ABCC1: variants seen among roughly 807,000 people sequenced by gnomAD.
ABCC1 encodes the protein multidrug resistance-associated protein 1.
A neutral mutation model predicts 172.9 loss-of-function variants in ABCC1; 83 were observed. The observed-to-expected ratio is 0.48, with a 90% CI of 0.40 to 0.58. The LOEUF (loss-of-function observed/expected upper bound fraction) is 0.58. Among genes scored for constraint, ABCC1 ranks in the 20% least tolerant of loss-of-function variants. The probability of loss-of-function intolerance (pLI) is 0.00; values close to 1 mark genes in which losing one functional copy is unlikely to be tolerated. For missense variants in ABCC1, 1,817 were observed against 2,002.7 expected (o/e 0.91, Z 1.77); for synonymous variants, 937 against 825.2 (o/e 1.14, Z -2.32).
intron 5 of ABCC1, among the ~76,000 whole-genome samples, chr16:16,026,055 T>C (rs974461792): frequency 1.3e-5 from 2 of 152,174 alleles, no homozygotes; most frequent in Non-Finnish European, 2.9e-5. Flanking sequence ...TGATTTTTTT[T>C]CCTCCTTTTT....
At chr16:16,084,905 AC>A (rs1242035938) in intron 17 of ABCC1, among the ~76,000 whole-genome samples, 7 of 152,218 alleles carry the variant, frequency 4.6e-5, no homozygotes, top group Middle Eastern at 3.4e-3. Flanking sequence ...ACAGATGTTA[AC>A]CACCTCGCCC....
chr16:16,126,701 A>AGG (rs760975587), intron 26 of ABCC1, among the ~76,000 whole-genome samples: 9 of 152,288 alleles, frequency 5.9e-5, no homozygotes, highest in Non-Finnish European at 1.3e-4. Flanking sequence ...GTATTTGTAT[A>AGG]GGGGACTCCT....
chr16:15,991,359 G>T (rs45531836), intron 1 of ABCC1, among the ~76,000 whole-genome samples: 1 of 151,814 alleles, frequency 6.6e-6, no homozygotes. Flanking sequence ...TTAATTTTCC[G>T]TTGGCAAAAC....
chr16:16,018,051 C>G (rs750411896), intron 5 of ABCC1, among the ~76,000 whole-genome samples: 1 of 152,062 alleles, frequency 6.6e-6, no homozygotes, highest in Non-Finnish European at 1.5e-5. Flanking sequence ...GGCAGGGAGG[C>G]CTTGGAGCAC....
At chr16:15,967,778 A>G (rs946527815) in intron 1 of ABCC1, among the ~76,000 whole-genome samples, 2 of 107,336 alleles carry the variant, frequency 1.9e-5, no homozygotes, top group African/African-American at 3.2e-5. Flanking sequence ...AAAAACAACA[A>G]AAAAAAAACT....
chr16:16,029,332 C>T (rs961291711), intron 5 of ABCC1, among the ~76,000 whole-genome samples: 2 of 152,150 alleles, frequency 1.3e-5, no homozygotes, highest in South Asian at 4.1e-4. Flanking sequence ...AAGCCATTCT[C>T]GTGCCTCAGC....
chr16:15,958,210 A>T (rs1432884749), intron 1 of ABCC1, among the ~76,000 whole-genome samples: 2 of 152,160 alleles, frequency 1.3e-5, no homozygotes, highest in African/African-American at 4.8e-5. Context: ...GGTTCCAGTG[A>T]TTCTGCTGCC....
intron 14 of ABCC1, among the ~76,000 whole-genome samples, chr16:16,074,774 T>A (rs139714012): frequency 8.1e-4 from 124 of 152,290 alleles, no homozygotes; most frequent in African/African-American, 2.8e-3. Flanking sequence ...AGGGAGAAAG[T>A]TAATCTAGGT....
chr16:16,050,062 A>G (rs1476441645), intron 10 of ABCC1, among the ~76,000 whole-genome samples: 1 of 152,090 alleles, frequency 6.6e-6, no homozygotes, highest in Non-Finnish European at 1.5e-5. Flanking sequence ...TTGAAGGGTA[A>G]CATGTTAGCT....
intron 28 of ABCC1, 86 bp downstream of exon 28, chr16:16,134,594 G>A: frequency 1.4e-6 from 2 of 1,399,596 alleles, no homozygotes; most frequent in Non-Finnish European, 2.0e-6. Flanking sequence ...TATTTTTGGG[G>A]CAAACATACA....
Position 16,052,786 on chromosome 16 carries a change from T to C in ABCC1, c.1443T>C (p.Ala481=), listed in dbSNP as rs1345769499. The C allele has an allele frequency of 1.2e-6, 2 of 1,614,076 alleles. No individual in the cohort carries two copies. Among genetic ancestry groups the C allele is most frequent in the South Asian group, 2.2e-5 (2 of 91,074 alleles). The change falls in exon 11 of 31, where the codon GCT becomes GCC. Residue 481 remains alanine, a synonymous_variant. Transcript: ENST00000399410. ...AVMVLMVPVN[A]VMAMKTKTYQ... ...TGGTCCTCATGGTGCCCGTCAATGCTGTGATGGCGATGAAGACCAAGACGT... is the reference window on the plus strand; with the variant it reads ...TGGTCCTCATGGTGCCCGTCAATGCCGTGATGGCGATGAAGACCAAGACGT...
intron 13 of ABCC1, among the ~76,000 whole-genome samples, chr16:16,070,595 G>A (rs1370848268): frequency 6.7e-6 from 1 of 149,150 alleles, no homozygotes; most frequent in African/African-American, 2.5e-5. Flanking sequence ...AACCCGGGAG[G>A]TGGAGCTTGC....
At chr16:16,070,673 A>C (rs1263035147) in intron 13 of ABCC1, among the ~76,000 whole-genome samples, 1 of 152,180 alleles carries the variant, frequency 6.6e-6, no homozygotes, top group East Asian at 1.9e-4. Context: ...TCAAAAACGA[A>C]CAAAAAAACC....
rs540776759 is a variant in ABCC1, at chr16:16,135,936, C to G, written c.4126-542C>G. Among the ~76,000 whole-genome samples the G allele has an allele frequency of 1.1e-4, 16 of 152,228 alleles. No individual in the cohort carries two copies. In the East Asian group the frequency reaches 3.1e-3, roughly 29 times the overall value. Reference sequence around the variant, plus strand: ...GTCTCATTTCTGGAGGTTCTCAACCCACTTGCATATTGAAGGCTCCAGGAA... The same window carrying G: ...GTCTCATTTCTGGAGGTTCTCAACCGACTTGCATATTGAAGGCTCCAGGAA... On this transcript the variant is annotated intron_variant, in intron 28 of 30. Coordinates refer to ENST00000399410, the MANE Select transcript of ABCC1 (RefSeq NM_004996.4).
chr16:15,968,522 A>G (rs1009431285), intron 1 of ABCC1, among the ~76,000 whole-genome samples: 2 of 151,596 alleles, frequency 1.3e-5, no homozygotes, highest in African/African-American at 4.9e-5. Context: ...GACTGCAGGC[A>G]TGCACCACTA....
chr16:16,086,789 C>T (rs867637390), intron 17 of ABCC1, 35 bp from the exon 18 acceptor site: 6 of 1,606,526 alleles, frequency 3.7e-6, no homozygotes, highest in Middle Eastern at 2.0e-4. Context: ...TCAAGATTTC[C>T]CAGGAAACCC....
chr16:15,962,699 G>A (rs1270600317), intron 1 of ABCC1, among the ~76,000 whole-genome samples: 1 of 152,158 alleles, frequency 6.6e-6, no homozygotes, highest in African/African-American at 2.4e-5. Context: ...ATCTTCTGAG[G>A]ACTCACTATC....
At chr16:16,139,172 A>G (rs1445654420) in intron 30 of ABCC1, among the ~76,000 whole-genome samples, 2 of 152,180 alleles carry the variant, frequency 1.3e-5, no homozygotes, top group East Asian at 1.9e-4. Context: ...AGAGCAATAA[A>G]CCAACAGGAT....
intron 10 of ABCC1, among the ~76,000 whole-genome samples, chr16:16,051,612 T>C (rs989056472): frequency 4.6e-5 from 7 of 152,112 alleles, no homozygotes; most frequent in African/African-American, 1.7e-4. Context: ...ACCATGATGA[T>C]TATGTGTGTG....
Sources: gnomAD v4.1 joint callset for allele counts (sites outside exome capture counted in the v4.1 genomes callset) on GRCh38, gnomAD v4.1.1 for gene constraint, MANE v1.5 for transcripts, NCBI Gene and HGNC (gene_info 2026-07-23, HGNC 2026-07-21) for gene names.